PLPPR5: variants seen among roughly 807,000 people sequenced by gnomAD.
PLPPR5 encodes phospholipid phosphatase related 5, also known as phospholipid phosphatase-related protein type 5.
Under a neutral mutation model 33.9 loss-of-function variants are expected in PLPPR5, and 16 were observed. The ratio of observed to expected loss-of-function variants is 0.47; its 90% CI spans 0.32 to 0.72. PLPPR5 has a LOEUF of 0.72. Ranked by LOEUF, PLPPR5 falls within the 30% of genes least tolerant of loss-of-function variation. The pLI is 0.03. For synonymous variants in PLPPR5, 163 were observed against 150.3 expected (o/e 1.08, Z -0.62); for missense variants, 301 against 406.7 (o/e 0.74, Z 2.23).
intron 3 of PLPPR5, among the ~76,000 whole-genome samples, chr1:98,941,593 A>G (rs1650370383): frequency 6.6e-6 from 1 of 151,660 alleles, no homozygotes. Flanking sequence ...TAGAATGTCC[A>G]AGGAGAAAAT....
intron 1 of PLPPR5, among the ~76,000 whole-genome samples, chr1:98,988,198 T>C (rs963165993): frequency 7.9e-5 from 12 of 152,104 alleles, no homozygotes; most frequent in African/African-American, 2.4e-5. Context: ...TGAGAGGTTT[T>C]AAAAAGTCAA....
intron 1 of PLPPR5, among the ~76,000 whole-genome samples, chr1:98,963,583 C>T (rs898588331): frequency 1.3e-5 from 2 of 152,150 alleles, no homozygotes; most frequent in African/African-American, 4.8e-5. Flanking sequence ...CAGCCAGAGT[C>T]TGAATCCAAG....
intron 1 of PLPPR5, among the ~76,000 whole-genome samples, chr1:98,983,720 C>T (rs1362730703): frequency 6.6e-6 from 1 of 151,688 alleles, no homozygotes; most frequent in Non-Finnish European, 1.5e-5. Context: ...TAAAAGTGTT[C>T]CTATTTCTCC....
At chr1:98,991,953 A>T (rs561417916) in intron 1 of PLPPR5, among the ~76,000 whole-genome samples, 1 of 152,316 alleles carries the variant, frequency 6.6e-6, no homozygotes. Flanking sequence ...CCAGTGAGTC[A>T]CTGTTCATTT....
At chr1:98,945,774 ACAG>A (rs1385052264) in intron 3 of PLPPR5, among the ~76,000 whole-genome samples, 1 of 152,242 alleles carries the variant, frequency 6.6e-6, no homozygotes, top group African/African-American at 2.4e-5. Context: ...TTGAAATAAA[ACAG>A]CAGAACAATT....
At chr1:98,956,531 C>T in intron 2 of PLPPR5, 78 bp downstream of exon 2, 2 of 1,352,094 alleles carry the variant, frequency 1.5e-6, no homozygotes, top group South Asian at 1.6e-5. Context: ...AAACAGTTAA[C>T]ATGTGGGTTA....
intron 4 of PLPPR5, among the ~76,000 whole-genome samples, chr1:98,915,588 TA>T (rs199739078): frequency 0.018 from 2,682 of 151,478 alleles, 84 homozygotes; most frequent in African/African-American, 0.061. Context: ...AAAATAAAAA[TA>T]AAAAGCCTGA....
At chr1:98,912,037 G>T (rs1570690860) in intron 5 of PLPPR5, among the ~76,000 whole-genome samples, 1 of 152,248 alleles carries the variant, frequency 6.6e-6, no homozygotes, top group Non-Finnish European at 1.5e-5. Context: ...CCAAAGCGCT[G>T]GGATTACAAG....
chr1:98,924,001 G>A (rs1187504069), intron 3 of PLPPR5, among the ~76,000 whole-genome samples: 1 of 152,122 alleles, frequency 6.6e-6, no homozygotes, highest in African/African-American at 2.4e-5. Flanking sequence ...ACAGCTATAA[G>A]GCTGGTTAAT....
chr1:98,929,309 A>G (rs1649881769), intron 3 of PLPPR5, among the ~76,000 whole-genome samples: 1 of 152,270 alleles, frequency 6.6e-6, no homozygotes, highest in South Asian at 2.1e-4. Flanking sequence ...TAAATGGATT[A>G]AAACAATATA....
rs565880214 is a variant in PLPPR5, at chr1:98,950,796, G to A, written c.621+2274C>T. Among the ~76,000 whole-genome samples, 65 of 152,182 alleles carry A rather than the reference G, an allele frequency of 4.3e-4. 1 individual carries two copies. In the South Asian group the frequency reaches 0.012, roughly 28 times the overall value. ...ACTCCTGGACTCAAGAGATTCTCCC[G>A]TCTTGGCCTCTCATGTAGCTGGGAC... On this transcript the variant is annotated intron_variant, in intron 3 of 5. Coordinates refer to ENST00000263177, the MANE Select transcript of PLPPR5 (RefSeq NM_001037317.2).
At chr1:98,928,171 G>T (rs1307553648) in intron 3 of PLPPR5, among the ~76,000 whole-genome samples, 1 of 151,862 alleles carries the variant, frequency 6.6e-6, no homozygotes, top group African/African-American at 2.4e-5. Flanking sequence ...GCCAACTATA[G>T]TACTAAATTT....
At chr1:98,962,771 G>T (rs1429902823) in intron 1 of PLPPR5, among the ~76,000 whole-genome samples, 1 of 151,946 alleles carries the variant, frequency 6.6e-6, no homozygotes, top group Non-Finnish European at 1.5e-5. Flanking sequence ...CAGCCTCCTG[G>T]GTAGCTAAGA....
chr1:98,961,775 G>A (rs1386185906), intron 1 of PLPPR5, among the ~76,000 whole-genome samples: 2 of 152,048 alleles, frequency 1.3e-5, no homozygotes, highest in Non-Finnish European at 2.9e-5. Context: ...TTGAATCAGA[G>A]GCTCTCGTCA....
intron 3 of PLPPR5, among the ~76,000 whole-genome samples, chr1:98,937,707 G>A (rs1441157790): frequency 6.6e-6 from 1 of 152,134 alleles, no homozygotes; most frequent in East Asian, 1.9e-4. Flanking sequence ...CCCAGTTAAG[G>A]TTGGAAACAC....
intron 1 of PLPPR5, among the ~76,000 whole-genome samples, chr1:99,001,671 G>GATAGATAGATAGATAGAT (rs1247519605): frequency 2.0e-5 from 2 of 102,192 alleles, no homozygotes; most frequent in East Asian, 7.4e-4. Context: ...GAAAGTTAAA[G>GATAGATAGATAGATAGAT]ATATATATAT....
In PLPPR5 at chr1:98,902,055, C is replaced by A. The variant is rs1353648308; in HGVS notation, c.934-8951G>T. ...AAGGATTCATATTCTTGTTTCAGAACACAGACCAGTTGTATGACCTTGGAT... is the reference window on the plus strand; with the variant it reads ...AAGGATTCATATTCTTGTTTCAGAAAACAGACCAGTTGTATGACCTTGGAT... On this transcript the variant is annotated intron_variant, in intron 5 of 5. Coordinates refer to ENST00000263177, the MANE Select transcript of PLPPR5 (RefSeq NM_001037317.2). Among the ~76,000 whole-genome samples the A allele has an allele frequency of 1.3e-5, 2 of 151,964 alleles. 1 individual carries two copies. The highest frequency in any genetic ancestry group is 1.3e-4 in the Admixed American group (2 of 15,240).
At chr1:98,893,236 A>C in intron 5 of PLPPR5, 132 bp from the exon 6 acceptor site, 13 of 718,182 alleles carry the variant, frequency 1.8e-5, no homozygotes. Context: ...AGCATTATTA[A>C]ACTAAGTTTT....
intron 3 of PLPPR5, among the ~76,000 whole-genome samples, chr1:98,940,879 T>C (rs187968840): frequency 2.6e-5 from 4 of 151,806 alleles, no homozygotes; most frequent in African/African-American, 9.6e-5. Context: ...ATTTCAGGCT[T>C]GGGTAACGAG....
Sources: allele counts gnomAD v4.1 joint callset (sites outside exome capture counted in the v4.1 genomes callset), GRCh38; gene constraint gnomAD v4.1.1; transcripts MANE v1.5; gene names NCBI Gene and HGNC (gene_info 2026-07-23, HGNC 2026-07-21).